Variants in PDE4B observed in about 807,000 individuals in gnomAD.
PDE4B encodes the protein 3',5'-cyclic-AMP phosphodiesterase 4B.
In PDE4B, 20 loss-of-function variants were observed where a neutral mutation model predicts 82.2. The observed-to-expected ratio is 0.24, with a 90% CI of 0.17 to 0.35. The LOEUF (loss-of-function observed/expected upper bound fraction) is 0.35. Ranked by LOEUF, PDE4B falls within the 10% of genes least tolerant of loss-of-function variation. The pLI is 1.00. For synonymous variants in PDE4B, 320 were observed against 318.9 expected (o/e 1.00, Z -0.04); for missense variants, 655 against 907.2 (o/e 0.72, Z 3.57).
rs200933375 is a variant in PDE4B at position 65,890,133 on chromosome 1, AAT to A, written c.-70-23111_-70-23110del. Among the ~76,000 whole-genome samples, 1,189 of 150,956 alleles carry A rather than the reference AAT, an allele frequency of 7.9e-3. 15 individuals carry two copies. Among genetic ancestry groups the A allele is most frequent in the African/African-American group, 0.025 (999 of 40,488 alleles). On this transcript the variant is annotated intron_variant, in intron 1 of 16. Coordinates refer to ENST00000341517, the MANE Select transcript of PDE4B (RefSeq NM_002600.4). ...GAATTCTGCAATTTAAAGCTTGACA[AAT>A]TTTTTTTTTTTTCCTAACTGGCAAA...
chr1:66,095,378 G>A (rs1335466266), intron 3 of PDE4B, among the ~76,000 whole-genome samples: 1 of 151,868 alleles, frequency 6.6e-6, no homozygotes, highest in Non-Finnish European at 1.5e-5. Context: ...GAGTATGTAT[G>A]AGGCAATTGA....
intron 3 of PDE4B, chr1:66,152,616 AT>A (rs1646422586): frequency 5.3e-5 from 6 of 112,662 alleles, no homozygotes; most frequent in Admixed American, 1.0e-4. Context: ...ACACATATAT[AT>A]ATTTATATAT....
At chr1:66,280,561 GT>G (rs1570614990) in intron 7 of PDE4B, among the ~76,000 whole-genome samples, 2 of 152,156 alleles carry the variant, frequency 1.3e-5, no homozygotes, top group African/African-American at 2.4e-5. Context: ...TTTATTCCCT[GT>G]AAAAACAAAT....
chr1:65,948,200 C>G (rs1433512867), intron 3 of PDE4B, among the ~76,000 whole-genome samples: 3 of 151,594 alleles, frequency 2.0e-5, no homozygotes, highest in African/African-American at 4.8e-5. Context: ...AAGGCCCACC[C>G]GTACCCATTG....
chr1:66,048,145 T>A (rs1485520361), intron 3 of PDE4B, among the ~76,000 whole-genome samples: 1 of 151,926 alleles, frequency 6.6e-6, no homozygotes, highest in African/African-American at 2.4e-5. Flanking sequence ...GTACCTCCTG[T>A]ACTAGCCTCT....
At chr1:65,905,219 G>A (rs1209762658) in intron 1 of PDE4B, among the ~76,000 whole-genome samples, 1 of 152,152 alleles carries the variant, frequency 6.6e-6, no homozygotes, top group Non-Finnish European at 1.5e-5. Flanking sequence ...AAAATAATGT[G>A]ATAATACCTT....
At chr1:66,268,667 C>CAAAAA (rs36046564) in intron 7 of PDE4B, among the ~76,000 whole-genome samples, 62 of 61,142 alleles carry the variant, frequency 1.0e-3, no homozygotes, top group African/African-American at 2.5e-3. Context: ...GACTCCATCT[C>CAAAAA]AAAAAAAAAA....
chr1:65,929,020 T>C (rs941168813), intron 3 of PDE4B, among the ~76,000 whole-genome samples: 2 of 152,210 alleles, frequency 1.3e-5, no homozygotes, highest in South Asian at 2.1e-4. Flanking sequence ...TTTCTGTTTA[T>C]ATAAATGAGA....
chr1:66,016,389 T>A (rs898196642), intron 3 of PDE4B, among the ~76,000 whole-genome samples: 2 of 152,350 alleles, frequency 1.3e-5, no homozygotes, highest in South Asian at 4.1e-4. Context: ...GTATTCCACA[T>A]ACTACTTTTC....
chr1:66,228,438 C>A (rs1651641138), intron 3 of PDE4B, among the ~76,000 whole-genome samples: 1 of 152,224 alleles, frequency 6.6e-6, no homozygotes, highest in South Asian at 2.1e-4. Flanking sequence ...TCCTGGCTAA[C>A]ACAGTGAAAC....
intron 1 of PDE4B, among the ~76,000 whole-genome samples, chr1:65,832,390 T>TA (rs1646093064): frequency 6.6e-6 from 1 of 152,222 alleles, no homozygotes; most frequent in Non-Finnish European, 1.5e-5. Flanking sequence ...GGCATCTAGG[T>TA]AACTTGGTCG....
chr1:65,863,909 T>A (rs1646481759), intron 1 of PDE4B, among the ~76,000 whole-genome samples: 1 of 152,164 alleles, frequency 6.6e-6, no homozygotes, highest in African/African-American at 2.4e-5. Context: ...TGCCACGAAA[T>A]GGGTCTCCTG....
intron 3 of PDE4B, among the ~76,000 whole-genome samples, chr1:66,243,458 G>C (rs967146430): frequency 6.6e-6 from 1 of 152,160 alleles, no homozygotes; most frequent in East Asian, 1.9e-4. Flanking sequence ...ATGTATTGGG[G>C]AGCAGTAAAT....
At chr1:66,104,808 T>A (rs905868134) in intron 3 of PDE4B, among the ~76,000 whole-genome samples, 3 of 149,936 alleles carry the variant, frequency 2.0e-5, no homozygotes, top group African/African-American at 7.3e-5. Flanking sequence ...CTTGTACATT[T>A]GTTTGAGTTC....
chr1:66,059,192 C>T (rs1423814464), intron 3 of PDE4B, among the ~76,000 whole-genome samples: 1 of 152,208 alleles, frequency 6.6e-6, no homozygotes, highest in Non-Finnish European at 1.5e-5. Context: ...CAGTTCCCAA[C>T]AGGTTCCTCA....
intron 8 of PDE4B, among the ~76,000 whole-genome samples, chr1:66,336,508 A>T: frequency 6.6e-6 from 1 of 152,172 alleles, no homozygotes; most frequent in East Asian, 1.9e-4. Context: ...CACTGTCTTC[A>T]CTTCCCCCAC....
chr1:66,337,817 G>T (rs1303594779), intron 8 of PDE4B, among the ~76,000 whole-genome samples: 1 of 152,032 alleles, frequency 6.6e-6, no homozygotes, highest in Admixed American at 6.5e-5. Context: ...CATTTTTTTG[G>T]TTCAACTTTT....
At chr1:65,895,151 G>A (rs964931328) in intron 1 of PDE4B, among the ~76,000 whole-genome samples, 1 of 152,050 alleles carries the variant, frequency 6.6e-6, no homozygotes, top group Non-Finnish European at 1.5e-5. Context: ...CAAAATGATG[G>A]AAAAATTCTG....
At chr1:66,015,613 A>C (rs1168609275) in intron 3 of PDE4B, among the ~76,000 whole-genome samples, 1 of 152,234 alleles carries the variant, frequency 6.6e-6, no homozygotes, top group African/African-American at 2.4e-5. Context: ...AGAAAATTAA[A>C]GTGCAAAGAT....
Sources: allele counts gnomAD v4.1 joint callset (sites outside exome capture counted in the v4.1 genomes callset), GRCh38; gene constraint gnomAD v4.1.1; transcripts MANE v1.5; gene names NCBI Gene and HGNC (gene_info 2026-07-23, HGNC 2026-07-21).